TAB2: variants seen among roughly 807,000 people sequenced by gnomAD.
TAB2 encodes the protein TGF-beta activated kinase 1 (MAP3K7) binding protein 2, also known as TGF-beta-activated kinase 1 and MAP3K7-binding protein 2.
A neutral mutation model predicts 65.0 loss-of-function variants in TAB2; 3 were observed. The ratio of observed to expected loss-of-function variants is 0.05; its 90% CI spans 0.02 to 0.12. TAB2 has a LOEUF of 0.12. Among genes scored for constraint, TAB2 ranks in the 10% least tolerant of loss-of-function variants. The pLI is 1.00. For missense variants in TAB2, 623 were observed against 840.3 expected, an observed-to-expected ratio of 0.74 and a Z score of 3.20; for synonymous variants, 298 against 285.1, an observed-to-expected ratio of 1.05 and a Z score of -0.46.
intron 1 of TAB2, among the ~76,000 whole-genome samples, chr6:149,363,212 G>GTA (rs141338841): frequency 6.0e-5 from 9 of 151,206 alleles, no homozygotes; most frequent in East Asian, 1.9e-4. Context: ...GAAGTATGGT[G>GTA]TATATATATA....
intron 1 of TAB2, among the ~76,000 whole-genome samples, chr6:149,334,699 TA>T (rs2114762059): frequency 6.6e-6 from 1 of 151,426 alleles, no homozygotes; most frequent in South Asian, 2.1e-4. Flanking sequence ...AAGAAAACCT[TA>T]AGAGTAGAAC....
At chr6:149,252,316 G>C (rs1010537071) in intron 1 of TAB2, among the ~76,000 whole-genome samples, 75 of 150,270 alleles carry the variant, frequency 5.0e-4, no homozygotes, top group African/African-American at 1.8e-3. Context: ...GAGGGCAGGA[G>C]AATCTCTTGA....
At chr6:149,296,000 G>A (rs941325704) in intron 1 of TAB2, among the ~76,000 whole-genome samples, 21 of 152,154 alleles carry the variant, frequency 1.4e-4, no homozygotes, top group Non-Finnish European at 2.9e-5. Flanking sequence ...TTGAACTCCT[G>A]ACCTCGTGAT....
chr6:149,221,712 G>A (rs888382949), intron 1 of TAB2, among the ~76,000 whole-genome samples: 1 of 152,266 alleles, frequency 6.6e-6, no homozygotes, highest in Non-Finnish European at 1.5e-5. Context: ...GGCAAAGGGA[G>A]GACTTTGTTT....
intron 1 of TAB2, among the ~76,000 whole-genome samples, chr6:149,349,382 T>A (rs962823899): frequency 6.9e-6 from 1 of 145,358 alleles, no homozygotes; most frequent in Admixed American, 7.1e-5. Context: ...ATCACTCCAC[T>A]GCACTCCAGC....
At chr6:149,311,322 C>A (rs866434955) in intron 1 of TAB2, among the ~76,000 whole-genome samples, 1 of 152,316 alleles carries the variant, frequency 6.6e-6, no homozygotes, top group Middle Eastern at 3.4e-3. Flanking sequence ...GAAATTTCAA[C>A]TCTTGTTCAA....
At chr6:149,267,584 C>G (rs192413199) in intron 1 of TAB2, among the ~76,000 whole-genome samples, 1 of 152,260 alleles carries the variant, frequency 6.6e-6, no homozygotes, top group Admixed American at 6.5e-5. Flanking sequence ...AAAACAGTCT[C>G]TAACAAACAG....
At chr6:149,238,852 C>G (rs1777546558) in intron 1 of TAB2, among the ~76,000 whole-genome samples, 1 of 152,226 alleles carries the variant, frequency 6.6e-6, no homozygotes, top group African/African-American at 2.4e-5. Flanking sequence ...TCTTGACTTA[C>G]TCATGGAGAC....
intron 1 of TAB2, among the ~76,000 whole-genome samples, chr6:149,276,341 T>C (rs1004157761): frequency 6.6e-6 from 1 of 152,194 alleles, no homozygotes; most frequent in Non-Finnish European, 1.5e-5. Context: ...CCTCTATATA[T>C]TGGTTTGTAT....
intron 1 of TAB2, chr6:149,346,384 C>CCA (rs1444029473): frequency 6.7e-6 from 1 of 149,368 alleles, no homozygotes; most frequent in Non-Finnish European, 1.5e-5. Flanking sequence ...ATGAGATGAA[C>CCA]AGGAAGAATC....
At chr6:149,350,825 A>G (rs1780466578) in intron 1 of TAB2, among the ~76,000 whole-genome samples, 1 of 152,084 alleles carries the variant, frequency 6.6e-6, no homozygotes, top group Admixed American at 6.5e-5. Context: ...ACTCATAATT[A>G]TGTAAGAACG....
chr6:149,293,985 TAGA>T (rs1463453195), intron 1 of TAB2, among the ~76,000 whole-genome samples: 1 of 152,046 alleles, frequency 6.6e-6, no homozygotes, highest in Non-Finnish European at 1.5e-5. Context: ...AAAAAATTAA[TAGA>T]AGATTTTTAA....
At chr6:149,221,700 A>G (rs1777152458) in intron 1 of TAB2, among the ~76,000 whole-genome samples, 1 of 152,130 alleles carries the variant, frequency 6.6e-6, no homozygotes, top group Non-Finnish European at 1.5e-5. Flanking sequence ...AAGAAGGGCA[A>G]GGGCAAAGGG....
At chr6:149,309,975 T>C (rs1241966492) in intron 1 of TAB2, among the ~76,000 whole-genome samples, 1 of 152,104 alleles carries the variant, frequency 6.6e-6, no homozygotes, top group Non-Finnish European at 1.5e-5. Flanking sequence ...TTATTTCAGT[T>C]AATAAAATAT....
intron 3 of TAB2, among the ~76,000 whole-genome samples, chr6:149,382,234 T>C (rs1781635179): frequency 6.6e-6 from 1 of 152,212 alleles, no homozygotes; most frequent in Non-Finnish European, 1.5e-5. Flanking sequence ...ACTAGTATTA[T>C]TTTTTAGACT....
At chr6:149,299,254 C>G (rs1191213707) in intron 1 of TAB2, among the ~76,000 whole-genome samples, 12 of 152,164 alleles carry the variant, frequency 7.9e-5, no homozygotes, top group African/African-American at 2.7e-4. Flanking sequence ...CTATTGGCCA[C>G]TGGTCTTATC....
At chr6:149,308,696 T>G (rs1779113624) in intron 1 of TAB2, among the ~76,000 whole-genome samples, 1 of 151,930 alleles carries the variant, frequency 6.6e-6, no homozygotes, top group African/African-American at 2.4e-5. Flanking sequence ...GCCTGACTAA[T>G]TTTGTATTTT....
At chr6:149,297,823 A>G (rs1778904438) in intron 1 of TAB2, among the ~76,000 whole-genome samples, 1 of 152,152 alleles carries the variant, frequency 6.6e-6, no homozygotes, top group African/African-American at 2.4e-5. Flanking sequence ...GTGAGCTACT[A>G]TGCCTGGCCT....
At chr6:149,308,659 G>C (rs765976317) in intron 1 of TAB2, among the ~76,000 whole-genome samples, 6 of 152,000 alleles carry the variant, frequency 3.9e-5, no homozygotes, top group Non-Finnish European at 8.8e-5. Flanking sequence ...CTCCCGAGTA[G>C]CTGGGATTAC....
Sources: gnomAD v4.1 joint callset for allele counts (sites outside exome capture counted in the v4.1 genomes callset) on GRCh38, gnomAD v4.1.1 for gene constraint, MANE v1.5 for transcripts, NCBI Gene and HGNC (gene_info 2026-07-23, HGNC 2026-07-21) for gene names.